WWOX: variants seen among roughly 807,000 people sequenced by gnomAD.
WWOX encodes WW domain containing oxidoreductase.
Under a neutral mutation model 46.2 loss-of-function variants are expected in WWOX, and 69 were observed. The observed-to-expected ratio is 1.49, with a 90% CI of 1.23 to 1.82. The LOEUF (loss-of-function observed/expected upper bound fraction) is 1.82. Ranked by LOEUF, WWOX falls within the 40% of genes most tolerant of loss-of-function variation. WWOX has a pLI of 0.00. For synonymous variants in WWOX, 359 were observed against 202.6 expected, an observed-to-expected ratio of 1.77 and a Z score of -6.56; for missense variants, 919 against 542.6, an observed-to-expected ratio of 1.69 and a Z score of -6.89.
intron 8 of WWOX, among the ~76,000 whole-genome samples, chr16:78,711,729 C>G (rs2048448433): frequency 6.6e-6 from 1 of 152,152 alleles, no homozygotes; most frequent in African/African-American, 2.4e-5. Flanking sequence ...CCCTCCAATT[C>G]CCATGTTAGT....
At chr16:78,947,827 G>A (rs1020619434) in intron 8 of WWOX, among the ~76,000 whole-genome samples, 2 of 152,204 alleles carry the variant, frequency 1.3e-5, no homozygotes, top group African/African-American at 4.8e-5. Context: ...AATATGTATA[G>A]GAGAAGCTCC....
In WWOX at chr16:78,567,476, C is replaced by T. The variant is rs749070659; in HGVS notation, c.1056+134724C>T. 4.1e-5 allele frequency among the ~76,000 whole-genome samples: 6 copies of T among 146,122 alleles called. 1 individual carries two copies. Among genetic ancestry groups the T allele is most frequent in the Non-Finnish European group, 1.5e-5 (1 of 67,318 alleles). ...GCTGAGACAGGAGAATGTCATGAAC[C>T]CGGGAGGCGGAGCTTGCAGTGAGCA... On this transcript the variant is annotated intron_variant, in intron 8 of 8. Coordinates refer to ENST00000566780, the MANE Select transcript of WWOX (RefSeq NM_016373.4).
rs188243212 is a variant in WWOX at position 78,751,537 on chromosome 16, A to G, written c.1056+318785A>G. ...CATGTAAAGACCCAAAACTCATATA[A>G]AAAGACAAGGTGATACAGCATTTTA... On this transcript the variant is annotated intron_variant, in intron 8 of 8. Transcript: ENST00000566780. 1.9e-3 allele frequency among the ~76,000 whole-genome samples: 278 copies of G among 148,678 alleles called. 1 individual carries two copies. Among genetic ancestry groups the G allele is most frequent in the African/African-American group, 6.3e-3 (255 of 40,760 alleles).
intron 8 of WWOX, among the ~76,000 whole-genome samples, chr16:78,968,307 C>T (rs1006877983): frequency 1.4e-4 from 21 of 152,192 alleles, no homozygotes; most frequent in Non-Finnish European, 2.6e-4. Flanking sequence ...AGGAATCCAA[C>T]AGGGAACTGT....
intron 8 of WWOX, among the ~76,000 whole-genome samples, chr16:78,723,280 T>G (rs77274111): frequency 0.017 from 2,513 of 152,288 alleles, 79 homozygotes; most frequent in African/African-American, 0.057. Flanking sequence ...GGGAAGCTTT[T>G]GAAAACTCCC....
intron 8 of WWOX, among the ~76,000 whole-genome samples, chr16:78,648,657 G>A (rs959989914): frequency 7.2e-5 from 11 of 152,138 alleles, no homozygotes; most frequent in African/African-American, 2.7e-4. Flanking sequence ...CATACAGGAT[G>A]TCCTGGTCTA....
intron 5 of WWOX, among the ~76,000 whole-genome samples, chr16:78,245,957 C>T (rs1597396435): frequency 6.6e-6 from 1 of 152,162 alleles, no homozygotes; most frequent in Non-Finnish European, 1.5e-5. Context: ...CTCGTCCGTT[C>T]CATATTAAGA....
chr16:78,373,259 G>C (rs929061311), intron 5 of WWOX, among the ~76,000 whole-genome samples: 4 of 152,178 alleles, frequency 2.6e-5, no homozygotes, highest in Admixed American at 1.3e-4. Flanking sequence ...AAGTCTTTCA[G>C]TGTAAAGACA....
At chr16:78,276,210 C>T (rs1418817185) in intron 5 of WWOX, among the ~76,000 whole-genome samples, 2 of 152,146 alleles carry the variant, frequency 1.3e-5, no homozygotes, top group African/African-American at 4.8e-5. Flanking sequence ...CTTCCTTTGG[C>T]TCTTACTCTC....
chr16:78,645,163 A>C (rs540420860), intron 8 of WWOX, among the ~76,000 whole-genome samples: 1 of 152,072 alleles, frequency 6.6e-6, no homozygotes, highest in Non-Finnish European at 1.5e-5. Flanking sequence ...GCTCTTTCCT[A>C]TCGAAGGGTT....
intron 8 of WWOX, among the ~76,000 whole-genome samples, chr16:79,148,619 G>A (rs1234924184): frequency 6.6e-6 from 1 of 152,080 alleles, no homozygotes; most frequent in East Asian, 1.9e-4. Flanking sequence ...CAGTTTTAAT[G>A]GGGTTTAAAT....
chr16:78,480,792 T>C (rs1311105393), intron 8 of WWOX, among the ~76,000 whole-genome samples: 1 of 152,216 alleles, frequency 6.6e-6, no homozygotes, highest in Non-Finnish European at 1.5e-5. Context: ...TTGTGGACTT[T>C]AGCTTTGAAA....
At chr16:78,351,639 C>A (rs987240525) in intron 5 of WWOX, among the ~76,000 whole-genome samples, 2 of 152,084 alleles carry the variant, frequency 1.3e-5, no homozygotes, top group Non-Finnish European at 1.5e-5. Context: ...GAATATCAGC[C>A]CTGCGTGGCT....
chr16:79,209,524 C>G (rs2051641689), intron 8 of WWOX, among the ~76,000 whole-genome samples: 1 of 152,100 alleles, frequency 6.6e-6, no homozygotes, highest in African/African-American at 2.4e-5. Context: ...GGGCGGGAGG[C>G]TGGACTTGAA....
intron 8 of WWOX, among the ~76,000 whole-genome samples, chr16:78,532,576 T>C (rs1158729744): frequency 6.6e-6 from 1 of 152,180 alleles, no homozygotes; most frequent in Non-Finnish European, 1.5e-5. Flanking sequence ...TTCATGCTAC[T>C]GATAAAGGCA....
chr16:78,146,894 G>A lies in WWOX; in HGVS notation c.410-17289G>A, dbSNP rs528622113. Among the ~76,000 whole-genome samples, 5 of 152,288 alleles carry A rather than the reference G, an allele frequency of 3.3e-5. No individual in the cohort carries two copies. In the South Asian group the frequency reaches 1.0e-3, roughly 32 times the overall value. On this transcript the variant is annotated intron_variant, in intron 4 of 8. Coordinates refer to ENST00000566780, the MANE Select transcript of WWOX (RefSeq NM_016373.4). ...AATTTACTTCCTTGTTTTAAAGCTA[G>A]CATTGCCCGTGCCTTCCACGCGGGA... is the stretch of plus-strand genomic sequence containing the variant.
intron 8 of WWOX, among the ~76,000 whole-genome samples, chr16:78,567,992 C>T (rs1033057730): frequency 6.6e-6 from 1 of 152,140 alleles, no homozygotes; most frequent in Non-Finnish European, 1.5e-5. Context: ...CATGTGAAAT[C>T]TAGAGCCTCT....
chr16:78,776,934 C>T (rs371248415), intron 8 of WWOX, among the ~76,000 whole-genome samples: 15 of 152,204 alleles, frequency 9.9e-5, no homozygotes, highest in African/African-American at 3.6e-4. Context: ...GTGGGGATTA[C>T]AGCTTGTATT....
chr16:78,198,728 C>A (rs140484295), intron 5 of WWOX, among the ~76,000 whole-genome samples: 16 of 152,090 alleles, frequency 1.1e-4, no homozygotes, highest in African/African-American at 3.9e-4. Context: ...CACCTTCCTC[C>A]CATTATGTTT....
Sources: allele counts gnomAD v4.1 joint callset (sites outside exome capture counted in the v4.1 genomes callset), GRCh38; gene constraint gnomAD v4.1.1; transcripts MANE v1.5; gene names NCBI Gene and HGNC (gene_info 2026-07-23, HGNC 2026-07-21).